SNX4: variants seen among roughly 807,000 people sequenced by gnomAD.
SNX4 encodes the protein sorting nexin 4.
SNX4 carries 49 observed loss-of-function variants against 70.8 expected under a neutral mutation model. The observed-to-expected ratio is 0.69, with a 90% CI of 0.55 to 0.88. SNX4 has a LOEUF of 0.88. Among genes scored for constraint, SNX4 ranks in the 40% least tolerant of loss-of-function variants. The pLI, the probability that SNX4 is intolerant of heterozygous loss-of-function variation, is 0.00. For missense variants in SNX4, 528 were observed against 544.8 expected (o/e 0.97, Z 0.31); for synonymous variants, 206 against 183.8 (o/e 1.12, Z -0.98).
chr3:125,465,654 T>A (rs1326546898), intron 9 of SNX4, among the ~76,000 whole-genome samples: 1 of 151,044 alleles, frequency 6.6e-6, no homozygotes, highest in Non-Finnish European at 1.5e-5. Context: ...TTTTATTTTA[T>A]TTTTTTGAGA....
At chr3:125,507,711 C>T (rs1580009054) in intron 1 of SNX4, among the ~76,000 whole-genome samples, 3 of 152,236 alleles carry the variant, frequency 2.0e-5, no homozygotes, top group East Asian at 1.9e-4. Flanking sequence ...AGACAGGGAG[C>T]TGATATCTTC....
chr3:125,480,934 T>G (rs1490682068), intron 6 of SNX4, among the ~76,000 whole-genome samples: 5 of 152,172 alleles, frequency 3.3e-5, no homozygotes, highest in African/African-American at 7.2e-5. Flanking sequence ...CTACACCCCA[T>G]ATTCCTGTTT....
chr3:125,475,369 T>C (rs568844136), intron 8 of SNX4, among the ~76,000 whole-genome samples: 29 of 152,080 alleles, frequency 1.9e-4, no homozygotes, highest in African/African-American at 6.3e-4. Context: ...GAGAAAAAAT[T>C]TTTTTCATTT....
At chr3:125,457,193 C>T in intron 11 of SNX4, 73 bp downstream of exon 11, 1 of 1,064,062 alleles carries the variant, frequency 9.4e-7, no homozygotes, top group Non-Finnish European at 1.5e-6. Context: ...GAGTTACTCA[C>T]TCAGAGTGAG....
At chr3:125,458,214 C>T (rs1252904610) in intron 10 of SNX4, among the ~76,000 whole-genome samples, 3 of 150,256 alleles carry the variant, frequency 2.0e-5, no homozygotes, top group Non-Finnish European at 4.4e-5. Context: ...ACTCTGTCAC[C>T]CAGGCTGGAG....
chr3:125,520,199 G>C lies in SNX4; in HGVS notation c.-27C>G, dbSNP rs2107579435. The C allele has an allele frequency of 2.2e-6, 3 of 1,341,576 alleles. No individual in the cohort carries two copies. Among genetic ancestry groups the C allele is most frequent in the East Asian group, 3.1e-5 (1 of 31,960 alleles). 83.1% of individuals were successfully genotyped at this position (1,341,576 alleles called of 1,614,324 possible). On this transcript the variant is annotated 5_prime_UTR_variant, in exon 1 of 14. Coordinates refer to ENST00000251775, the MANE Select transcript of SNX4 (RefSeq NM_003794.4). ...GCTGCAGTTCGGCGCGGCGAACCCA[G>C]TGCGCCTGCGCCGCCGCCGCGCCCG...
At chr3:125,495,565 T>G (rs1463500877) in intron 5 of SNX4, among the ~76,000 whole-genome samples, 1 of 151,994 alleles carries the variant, frequency 6.6e-6, no homozygotes, top group African/African-American at 2.4e-5. Flanking sequence ...GTACAATACA[T>G]AAGGCTCCCC....
In SNX4 at chr3:125,505,201, C is replaced by T. The variant is rs149574270; in HGVS notation, c.142-457G>A. On this transcript the variant is annotated intron_variant, in intron 1 of 13. Coordinates refer to ENST00000251775, the MANE Select transcript of SNX4 (RefSeq NM_003794.4). The stretch of plus-strand genomic sequence containing the variant: ...GCCAGGCTGGTCTCAAACTCCTGAC[C>T]TCAGGTGTTCCACCTGCCTTGGCCT... Among the ~76,000 whole-genome samples the T allele has an allele frequency of 4.9e-3, 743 of 152,338 alleles. 5 individuals are homozygous for T. Among genetic ancestry groups the T allele is most frequent in the African/African-American group, 0.017 (700 of 41,570 alleles).
In SNX4 at chr3:125,451,291, A is replaced by T; in HGVS notation, c.1305+14T>A. ...AATATACATATATCTTCACTGAAACAGGAAAAACCCTACCTTTTTGCACAT... is the reference window on the plus strand; with the variant it reads ...AATATACATATATCTTCACTGAAACTGGAAAAACCCTACCTTTTTGCACAT... On this transcript the variant is annotated intron_variant, in intron 13 of 13. Coordinates refer to ENST00000251775, the MANE Select transcript of SNX4 (RefSeq NM_003794.4). The T allele has an allele frequency of 6.3e-7, 1 of 1,577,484 alleles. No individual in the cohort carries two copies. The highest frequency in any genetic ancestry group is 2.2e-5 in the East Asian group (1 of 44,626).
At chr3:125,495,560 A>G (rs1248143827) in intron 5 of SNX4, among the ~76,000 whole-genome samples, 2 of 147,834 alleles carry the variant, frequency 1.4e-5, no homozygotes, top group African/African-American at 5.3e-5. Context: ...CAAAAGTACA[A>G]TACATAAGGC....
intron 2 of SNX4, among the ~76,000 whole-genome samples, chr3:125,501,327 C>T (rs1439215274): frequency 6.7e-6 from 1 of 149,838 alleles, no homozygotes; most frequent in Non-Finnish European, 1.5e-5. Context: ...CAATCAAAAT[C>T]ATGGTCCAGC....
chr3:125,463,097 A>G (rs7613952), intron 9 of SNX4, among the ~76,000 whole-genome samples: 81,313 of 152,118 alleles, frequency 0.53, 23,199 homozygotes, highest in African/African-American at 0.75. Flanking sequence ...ATGTCTCTAG[A>G]CCTGCCTCAT....
chr3:125,479,580 T>TAAC (rs1288096691), intron 7 of SNX4, among the ~76,000 whole-genome samples: 1 of 151,648 alleles, frequency 6.6e-6, no homozygotes, highest in Non-Finnish European at 1.5e-5. Context: ...ATAATAATAA[T>TAAC]AACAACAAAG....
chr3:125,510,510 T>A (rs1233062972), intron 1 of SNX4, among the ~76,000 whole-genome samples: 2 of 152,134 alleles, frequency 1.3e-5, no homozygotes, highest in Non-Finnish European at 2.9e-5. Flanking sequence ...ATTACAGGCG[T>A]GAGCCACCGC....
intron 9 of SNX4, among the ~76,000 whole-genome samples, chr3:125,464,731 C>T (rs1030559905): frequency 2.0e-5 from 3 of 151,636 alleles, no homozygotes; most frequent in Non-Finnish European, 4.4e-5. Flanking sequence ...GCCACCACTC[C>T]CTGCTAATTT....
In SNX4 at chr3:125,451,403, C is replaced by A. The variant is rs764751949; in HGVS notation, c.1207G>T (p.Ala403Ser). The A allele has an allele frequency of 1.9e-6, 3 of 1,611,764 alleles. No homozygotes were observed. Among genetic ancestry groups the A allele is most frequent in the African/African-American group, 2.7e-5 (2 of 74,798 alleles). The change falls in exon 13 of 14, where the codon GCA (alanine) becomes TCA (serine). Residue 403 changes from alanine (A) to serine (S), a missense_variant. This residue lies in a region of SNX4 where 159 missense variants were observed against 172.6 expected (regional missense o/e 0.92). Transcript: ENST00000251775. ...NLEGREFVKN[A>S]WADIERFKEQ... ...TTGAAGCGTTCAATATCAGCCCATG[C>A]GTTTTTCACAAATTCTCTGAAATAA...
At chr3:125,491,173 G>A (rs1343858481) in intron 5 of SNX4, among the ~76,000 whole-genome samples, 1 of 152,124 alleles carries the variant, frequency 6.6e-6, no homozygotes, top group East Asian at 1.9e-4. Flanking sequence ...TCTAAAATCA[G>A]TATTTCACAA....
Position 125,448,876 on chromosome 3 carries a change from C to T in SNX4, c.1306-1050G>A, listed in dbSNP as rs552965526. On this transcript the variant is annotated intron_variant, in intron 13 of 13. Transcript: ENST00000251775. ...ATTTTTAGTAGAGATGAGATTTCAC[C>T]GTGTGTTAGGCAGGATGGTGTCGAT... 1.0e-3 allele frequency among the ~76,000 whole-genome samples: 154 copies of T among 151,586 alleles called. 1 individual carries two copies. Among genetic ancestry groups the T allele is most frequent in the Non-Finnish European group, 1.5e-3 (102 of 67,838 alleles).
intron 5 of SNX4, 74 bp downstream of exon 5, chr3:125,497,267 A>C: frequency 2.4e-6 from 2 of 821,286 alleles, no homozygotes; most frequent in Non-Finnish European, 3.9e-6. Context: ...ATAAATACCA[A>C]GTTCCCAATG....
Sources: gnomAD v4.1 joint callset for allele counts (sites outside exome capture counted in the v4.1 genomes callset) on GRCh38, gnomAD v4.1.1 for gene constraint, gnomAD v4.1.1 regional missense constraint, MANE v1.5 for transcripts, NCBI Gene and HGNC (gene_info 2026-07-23, HGNC 2026-07-21) for gene names.